The following KLRG2 variants were observed in gnomAD, a reference collection of about 807,000 sequenced individuals.
KLRG2 encodes killer cell lectin-like receptor subfamily G member 2.
Under a neutral mutation model 35.4 loss-of-function variants are expected in KLRG2, and 39 were observed. The observed-to-expected ratio is 1.10, with a 90% CI of 0.85 to 1.44. The LOEUF (loss-of-function observed/expected upper bound fraction) is 1.44. Ranked by LOEUF, KLRG2 falls within the 40% of genes most tolerant of loss-of-function variation. The pLI, the probability that KLRG2 is intolerant of heterozygous loss-of-function variation, is 0.00. For missense variants in KLRG2, 632 were observed against 570.9 expected (o/e 1.11, Z -1.09); for synonymous variants, 283 against 265.8 (o/e 1.06, Z -0.63).
the KLRG2 span, among the ~76,000 whole-genome samples, chr7:139,429,037 C>T: frequency 3.3e-5 from 5 of 152,162 alleles, no homozygotes; most frequent in Admixed American, 1.3e-4. Context: ...TCACTTTAGG[C>T]CAGGCGTGGT....
chr7:139,455,320 G>A (rs865986346), intron 3 of KLRG2, among the ~76,000 whole-genome samples: 26 of 142,612 alleles, frequency 1.8e-4, no homozygotes, highest in African/African-American at 5.5e-4. Context: ...ACCCGGCCAA[G>A]ATTTTTTTTT....
intron 1 of KLRG2, 101 bp from the exon 2 acceptor site, chr7:139,480,348 C>T (rs776362151): frequency 5.2e-5 from 35 of 671,478 alleles, no homozygotes; most frequent in Non-Finnish European, 8.8e-5. Flanking sequence ...ACCCACCTCA[C>T]CCCAGCACCC....
Position 139,468,695 on chromosome 7 carries a change from A to G in KLRG2, c.1005+10932T>C, listed in dbSNP as rs146181583. ...TTTTGAACTTATAAAACAATTTGAC[A>G]CAAATCAAAATGTCACATGTGTCAG... is the stretch of plus-strand genomic sequence containing the variant. On this transcript the variant is annotated intron_variant, in intron 3 of 4. Coordinates refer to ENST00000340940, the MANE Select transcript of KLRG2 (RefSeq NM_198508.4). 2.9e-3 allele frequency among the ~76,000 whole-genome samples: 447 copies of G among 152,312 alleles called. 1 individual carries two copies. Among genetic ancestry groups the G allele is most frequent in the African/African-American group, 0.01 (422 of 41,570 alleles).
the KLRG2 span, among the ~76,000 whole-genome samples, chr7:139,435,081 T>C: frequency 2.0e-5 from 3 of 152,346 alleles, no homozygotes; most frequent in Admixed American, 2.0e-4. Context: ...CAGGACCTAC[T>C]ACTTTATTTT....
intron 3 of KLRG2, among the ~76,000 whole-genome samples, chr7:139,474,485 A>G (rs1055201349): frequency 6.6e-6 from 1 of 152,102 alleles, no homozygotes; most frequent in African/African-American, 2.4e-5. Context: ...TTGGCTGGGC[A>G]TGGTGGCTAA....
the KLRG2 span, among the ~76,000 whole-genome samples, chr7:139,434,039 G>A: frequency 6.6e-6 from 1 of 152,200 alleles, no homozygotes; most frequent in South Asian, 2.1e-4. Flanking sequence ...CTGAGGCTGG[G>A]AGGAGCTGAA....
At chr7:139,456,346 GTC>G (rs540076731) in intron 3 of KLRG2, among the ~76,000 whole-genome samples, 123 of 152,248 alleles carry the variant, frequency 8.1e-4, no homozygotes, top group African/African-American at 2.8e-3. Flanking sequence ...GAATAGAGCT[GTC>G]TCTTTTTTAT....
chr7:139,477,527 T>A (rs1332899779), intron 3 of KLRG2, among the ~76,000 whole-genome samples: 1 of 152,088 alleles, frequency 6.6e-6, no homozygotes, highest in East Asian at 1.9e-4. Context: ...CTTAGAATAG[T>A]TCAAACCAAA....
At chr7:139,465,857 C>T (rs760972810) in intron 3 of KLRG2, among the ~76,000 whole-genome samples, 15 of 151,802 alleles carry the variant, frequency 9.9e-5, no homozygotes, top group Non-Finnish European at 1.8e-4. Context: ...GGCAGTTTTT[C>T]TCCTTCTCAT....
At chr7:139,443,333 G>A in the KLRG2 span, among the ~76,000 whole-genome samples, 9 of 152,028 alleles carry the variant, frequency 5.9e-5, no homozygotes, top group East Asian at 1.2e-3. Context: ...TGATCCACCC[G>A]CCTTGGCCTC....
At chr7:139,478,078 A>G (rs867101191) in intron 3 of KLRG2, among the ~76,000 whole-genome samples, 3 of 109,044 alleles carry the variant, frequency 2.8e-5, no homozygotes, top group Admixed American at 8.9e-5. Flanking sequence ...TTAAATGGGG[A>G]AAAAAAAAAG....
the KLRG2 span, among the ~76,000 whole-genome samples, chr7:139,445,795 G>GTATATATATA: frequency 3.7e-3 from 338 of 90,216 alleles, 2 homozygotes; most frequent in Non-Finnish European, 4.8e-3. Flanking sequence ...ATATATATGT[G>GTATATATATA]TGTATATATA....
rs1372829476 is a variant in KLRG2 at position 139,480,218 on chromosome 7, A to AGGG, written c.786_787insCCC (p.Tyr262_Trp263insPro). ...AGCACAGCCATGAACGCCAGGGCCCAGTACAGGGACTTCACGTACATGGGT... is the reference window on the plus strand; with the variant it reads ...AGCACAGCCATGAACGCCAGGGCCCAGGGGTACAGGGACTTCACGTACATGGGT... On this transcript the variant is annotated inframe_insertion, in exon 2 of 5. Coordinates refer to ENST00000340940, the MANE Select transcript of KLRG2 (RefSeq NM_198508.4). 2.5e-5 allele frequency: 41 copies of AGGG among 1,612,972 alleles called. No homozygotes were observed. Among genetic ancestry groups the AGGG allele is most frequent in the Non-Finnish European group, 3.5e-5 (41 of 1,179,252 alleles).
downstream of KLRG2, among the ~76,000 whole-genome samples, chr7:139,450,527 T>C (rs1796361658): frequency 6.6e-6 from 1 of 152,190 alleles, no homozygotes; most frequent in African/African-American, 2.4e-5. Flanking sequence ...CTAGCCATAT[T>C]AACAATTATC....
the KLRG2 span, among the ~76,000 whole-genome samples, chr7:139,447,072 AGTG>A: frequency 2.0e-5 from 3 of 152,150 alleles, no homozygotes; most frequent in Non-Finnish European, 4.4e-5. Context: ...CAAACACATC[AGTG>A]GTGTTTACTC....
At chr7:139,470,085 G>A (rs1318051077) in intron 3 of KLRG2, among the ~76,000 whole-genome samples, 1 of 150,600 alleles carries the variant, frequency 6.6e-6, no homozygotes, top group Non-Finnish European at 1.5e-5. Flanking sequence ...TTTGGACGGA[G>A]TCTCGCTCTG....
At chr7:139,428,790 C>CCATTA in the KLRG2 span, among the ~76,000 whole-genome samples, 1 of 151,982 alleles carries the variant, frequency 6.6e-6, no homozygotes, top group African/African-American at 2.4e-5. Context: ...GGTGGAATTG[C>CCATTA]CATTACATAG....
chr7:139,441,399 C>T, the KLRG2 span, among the ~76,000 whole-genome samples: 2 of 152,108 alleles, frequency 1.3e-5, no homozygotes, highest in Non-Finnish European at 1.5e-5. Flanking sequence ...CATATTCTCA[C>T]TCACAGGTGG....
the KLRG2 span, among the ~76,000 whole-genome samples, chr7:139,437,470 T>C: frequency 6.6e-6 from 1 of 151,716 alleles, no homozygotes; most frequent in Non-Finnish European, 1.5e-5. Flanking sequence ...TTAGTTTGTT[T>C]GTTTGAGACA....
Sources: gnomAD v4.1 joint callset for allele counts (sites outside exome capture counted in the v4.1 genomes callset) on GRCh38, gnomAD v4.1.1 for gene constraint, MANE v1.5 for transcripts, NCBI Gene and HGNC (gene_info 2026-07-23, HGNC 2026-07-21) for gene names.